ACO1: variants seen among roughly 807,000 people sequenced by gnomAD.
ACO1 encodes the protein cytoplasmic aconitate hydratase.
Under a neutral mutation model 105.1 loss-of-function variants are expected in ACO1, and 78 were observed. The ratio of observed to expected loss-of-function variants is 0.74; its 90% CI spans 0.62 to 0.90. ACO1 has a LOEUF of 0.90. Ranked by LOEUF, ACO1 falls within the 40% of genes least tolerant of loss-of-function variation. The pLI, the probability that ACO1 is intolerant of heterozygous loss-of-function variation, is 0.00. For missense variants in ACO1, 965 were observed against 1,111.1 expected, an observed-to-expected ratio of 0.87 and a Z score of 1.87; for synonymous variants, 364 against 397.4, an observed-to-expected ratio of 0.92 and a Z score of 1.00.
chr9:32,432,030 A>C (rs1010624508), intron 15 of ACO1, among the ~76,000 whole-genome samples, 187 bp downstream of exon 15: 2 of 151,548 alleles, frequency 1.3e-5, no homozygotes, highest in African/African-American at 4.9e-5. Flanking sequence ...TACAAACCCC[A>C]CCTCCCCCAG....
At chr9:32,449,917 G>A in intron 20 of ACO1, 81 bp from the exon 21 acceptor site, 1 of 1,074,334 alleles carries the variant, frequency 9.3e-7, no homozygotes, top group Non-Finnish European at 1.4e-6. Context: ...CACACCTGAG[G>A]GGCAGGCTGG....
At chr9:32,389,857 G>A (rs995465624) in intron 1 of ACO1, among the ~76,000 whole-genome samples, 103 of 146,192 alleles carry the variant, frequency 7.0e-4, no homozygotes, top group Non-Finnish European at 5.8e-4. Context: ...AGAGTGCAGT[G>A]GTGCAACCTC....
rs541141929 is a variant in ACO1 at position 32,396,554 on chromosome 9, ACGTGAGGTTAC to A, written c.-22-8929_-22-8919del. On this transcript the variant is annotated intron_variant, in intron 1 of 20. Transcript: ENST00000309951. ...CATGCCACCACCTCAGGGCCTTTGC[ACGTGAGGTTAC>A]CCCTCCCTGGATTGCACAGTGGCTG... Among the ~76,000 whole-genome samples the A allele has an allele frequency of 9.5e-4, 144 of 152,250 alleles. 3 individuals carry two copies. Among genetic ancestry groups the A allele is most frequent in the Admixed American group, 8.8e-3 (134 of 15,292 alleles).
chr9:32,442,829 T>C (rs1230130573), intron 19 of ACO1, among the ~76,000 whole-genome samples: 2 of 152,206 alleles, frequency 1.3e-5, no homozygotes, highest in Non-Finnish European at 2.9e-5. Flanking sequence ...ATACCAGCAC[T>C]GACTCCCTGG....
At chr9:32,443,497 G>A (rs188780359) in intron 19 of ACO1, among the ~76,000 whole-genome samples, 18 of 152,228 alleles carry the variant, frequency 1.2e-4, no homozygotes, top group African/African-American at 4.3e-4. Flanking sequence ...TCTCATTATC[G>A]ATATTCTAGA....
chr9:32,446,516 A>G (rs1257122471), intron 19 of ACO1, among the ~76,000 whole-genome samples: 1 of 151,988 alleles, frequency 6.6e-6, no homozygotes, highest in East Asian at 1.9e-4. Context: ...AATGCAGCAC[A>G]CTGATGGGTC....
Position 32,433,816 on chromosome 9 carries a change from C to A in ACO1, c.1940C>A (p.Pro647Gln). 2 of 1,606,286 alleles carry A rather than the reference C, an allele frequency of 1.2e-6. No homozygotes were observed. Among genetic ancestry groups the A allele is most frequent in the South Asian group, 2.3e-5 (2 of 88,552 alleles). The change falls in exon 16 of 21, where the codon CCA becomes CAA. Residue 647 changes from proline (P) to glutamine (Q), a missense_variant. By Grantham distance (76) the Pro-to-Gln change is moderately conservative. Coordinates refer to ENST00000309951, the MANE Select transcript of ACO1 (RefSeq NM_002197.3). ...NSKSTYIKSP[P>Q]FFENLTLDLQ... The stretch of plus-strand genomic sequence containing the variant: ...AAATCTACGTATATCAAATCACCAC[C>A]ATTCTTTGAAAACCTGGTATGGCTT...
intron 1 of ACO1, among the ~76,000 whole-genome samples, chr9:32,391,598 A>G (rs1821268498): frequency 6.6e-6 from 1 of 152,370 alleles, no homozygotes; most frequent in South Asian, 2.1e-4. Context: ...GGGCAAGCCC[A>G]TCTTTGGATA....
chr9:32,407,043 A>T (rs1163998877), intron 2 of ACO1, among the ~76,000 whole-genome samples: 1 of 152,138 alleles, frequency 6.6e-6, no homozygotes, highest in African/African-American at 2.4e-5. Context: ...CAGCCTCCCA[A>T]AGTGCTGGGA....
intron 7 of ACO1, among the ~76,000 whole-genome samples, chr9:32,419,513 C>T (rs1587534793): frequency 6.6e-6 from 1 of 152,254 alleles, no homozygotes; most frequent in Non-Finnish European, 1.5e-5. Flanking sequence ...TGCTTCAGAG[C>T]TCTCTGTGTT....
At chr9:32,435,622 A>G (rs897641003) in intron 17 of ACO1, among the ~76,000 whole-genome samples, 1 of 152,140 alleles carries the variant, frequency 6.6e-6, no homozygotes, top group Non-Finnish European at 1.5e-5. Context: ...GACACTGCAA[A>G]GTTTCCTTTC....
chr9:32,425,760 T>C, intron 10 of ACO1, 78 bp from the exon 11 acceptor site: 3 of 1,016,918 alleles, frequency 3.0e-6, no homozygotes, highest in Non-Finnish European at 2.8e-6. Flanking sequence ...ACTATATGTA[T>C]GTATTTTCCT....
chr9:32,434,877 TG>T (rs1587548702), intron 17 of ACO1, among the ~76,000 whole-genome samples, 176 bp downstream of exon 17: 3 of 152,262 alleles, frequency 2.0e-5, no homozygotes, highest in Middle Eastern at 3.4e-3. Flanking sequence ...ACAGCTTCCA[TG>T]GGAGAAACGA....
chr9:32,405,338 A>G (rs1489668208), intron 1 of ACO1, 147 bp from the exon 2 acceptor site: 2 of 573,726 alleles, frequency 3.5e-6, no homozygotes, highest in Non-Finnish European at 6.2e-6. Flanking sequence ...ATTTTTAACT[A>G]TTTTTTTTAA....
intron 8 of ACO1, among the ~76,000 whole-genome samples, chr9:32,421,399 T>C (rs1203947439): frequency 6.6e-6 from 1 of 152,150 alleles, no homozygotes; most frequent in Admixed American, 6.5e-5. Flanking sequence ...GTAGGGTAGA[T>C]TGATTGACTA....
intron 10 of ACO1, 64 bp from the exon 11 acceptor site, chr9:32,425,774 G>A (rs563068608): frequency 2.5e-6 from 3 of 1,205,084 alleles, no homozygotes; most frequent in South Asian, 3.1e-5. Flanking sequence ...TTTTCCTCTA[G>A]CCAGATACAT....
At chr9:32,424,273 A>G (rs966006534) in intron 9 of ACO1, among the ~76,000 whole-genome samples, 5 of 152,226 alleles carry the variant, frequency 3.3e-5, no homozygotes, top group African/African-American at 1.2e-4. Flanking sequence ...AGTGGAGGAC[A>G]CTGAGCATCT....
At chr9:32,395,477 A>AG (rs959992010) in intron 1 of ACO1, among the ~76,000 whole-genome samples, 2 of 151,228 alleles carry the variant, frequency 1.3e-5, no homozygotes, top group South Asian at 2.1e-4. Context: ...CCCTGTCTCA[A>AG]AAAACAAACC....
intron 4 of ACO1, among the ~76,000 whole-genome samples, chr9:32,413,389 C>G (rs1268331732): frequency 2.0e-5 from 3 of 149,988 alleles, no homozygotes; most frequent in Admixed American, 1.3e-4. Flanking sequence ...GCGGCTGAGA[C>G]AGGGGAATCG....
Sources: gnomAD v4.1 joint callset for allele counts (sites outside exome capture counted in the v4.1 genomes callset) on GRCh38, gnomAD v4.1.1 for gene constraint, MANE v1.5 for transcripts, NCBI Gene and HGNC (gene_info 2026-07-23, HGNC 2026-07-21) for gene names.